Variants in RAD54B observed in about 807,000 individuals in gnomAD.
The protein encoded by RAD54B is RAD54 homolog B.
A neutral mutation model predicts 95.8 loss-of-function variants in RAD54B; 78 were observed. That is an observed-to-expected ratio of 0.81 (90% confidence interval 0.68 to 0.98). The LOEUF (loss-of-function observed/expected upper bound fraction) is 0.98, where lower values mean the gene tolerates loss of function less well. Ranked by LOEUF, RAD54B falls within the 50% of genes least tolerant of loss-of-function variation. RAD54B has a pLI of 0.00. For synonymous variants in RAD54B, 328 were observed against 354.9 expected, an observed-to-expected ratio of 0.92 and a Z score of 0.85; for missense variants, 957 against 1,056.6, an observed-to-expected ratio of 0.91 and a Z score of 1.31.
At chr8:94,418,883 G>A (rs1314868509) in intron 3 of RAD54B, among the ~76,000 whole-genome samples, 3 of 152,086 alleles carry the variant, frequency 2.0e-5, no homozygotes, top group Admixed American at 6.5e-5. Flanking sequence ...AAGCTTCTAT[G>A]AACTTTTTCT....
chr8:94,398,542 G>GA (rs1811196904), intron 8 of RAD54B, among the ~76,000 whole-genome samples: 1 of 151,888 alleles, frequency 6.6e-6, no homozygotes, highest in African/African-American at 2.4e-5. Context: ...ACACATGAAG[G>GA]AAAAAATGAC....
At chr8:94,436,605 C>A in intron 3 of RAD54B, 2 of 1,550,476 alleles carry the variant, frequency 1.3e-6, no homozygotes, top group Non-Finnish European at 1.7e-6. Flanking sequence ...CTGATTGGGT[C>A]TCTTTTTGCT....
At chr8:94,380,109 T>C in intron 12 of RAD54B, 36 bp downstream of exon 12, 2 of 1,556,802 alleles carry the variant, frequency 1.3e-6, no homozygotes. Flanking sequence ...TCCTCAGGCA[T>C]TCAATAATAT....
intron 11 of RAD54B, among the ~76,000 whole-genome samples, chr8:94,381,926 A>C (rs1307779972): frequency 6.6e-6 from 1 of 152,100 alleles, no homozygotes; most frequent in Non-Finnish European, 1.5e-5. Flanking sequence ...ATCCTGGCTA[A>C]CACGGTGAAA....
intron 14 of RAD54B, among the ~76,000 whole-genome samples, chr8:94,375,901 G>A (rs1810555900): frequency 6.6e-6 from 1 of 152,118 alleles, no homozygotes; most frequent in Admixed American, 6.6e-5. Flanking sequence ...CTAGAAATTA[G>A]GGAGATAAGG....
Position 94,400,303 on chromosome 8 carries a change from T to G in RAD54B, c.1105A>C (p.Asn369His). ...LIVTPGSLVN[N>H]WKKEFQKWLG... ...CATTTTTGAAATTCTTTCTTCCAAT[T>G]ATTCACCAAGCTTCCAGGTGTGACA... Residue 369 changes from asparagine to histidine, a missense_variant, in exon 7 of 15, where the codon AAT (asparagine) becomes CAT (histidine). Coordinates refer to ENST00000336148, the MANE Select transcript of RAD54B (RefSeq NM_012415.3). The G allele has an allele frequency of 1.9e-6, 3 of 1,613,920 alleles. No homozygotes were observed. The highest frequency in any genetic ancestry group is 2.5e-6 in the Non-Finnish European group (3 of 1,179,872).
rs548218118 is a variant in RAD54B, at chr8:94,444,410, T to TTAA, written c.304+13857_304+13858insTTA. 3.1e-3 allele frequency among the ~76,000 whole-genome samples: 433 copies of TTAA among 137,942 alleles called. 3 individuals carry two copies. Among genetic ancestry groups the TTAA allele is most frequent in the South Asian group, 6.7e-3 (29 of 4,326 alleles). The allele number at this position is 137,942 out of a possible 152,430, so 90.5% of individuals were successfully genotyped here. On this transcript the variant is annotated intron_variant, in intron 3 of 14. Transcript: ENST00000336148. The stretch of plus-strand genomic sequence containing the variant: ...TGTTCACTGCAGAGGTTTTAATAGT[T>TTAA]AAAAAAAAAAAAAAACTAAAACTAA...
intron 3 of RAD54B, chr8:94,436,377 A>G: frequency 7.8e-7 from 1 of 1,275,718 alleles, no homozygotes; most frequent in East Asian, 2.6e-5. Context: ...AAACAAAGAC[A>G]CTATTCATTG....
At chr8:94,425,061 CAAAAAAA>C (rs71273335) in intron 3 of RAD54B, among the ~76,000 whole-genome samples, 29 of 82,368 alleles carry the variant, frequency 3.5e-4, no homozygotes, top group African/African-American at 1.0e-3. Flanking sequence ...GACCCCATCT[CAAAAAAA>C]AAAAAAAAAA....
chr8:94,436,959 C>T, intron 3 of RAD54B: 1 of 1,443,872 alleles, frequency 6.9e-7, no homozygotes, highest in South Asian at 1.6e-5. Flanking sequence ...AAAGATCAGG[C>T]TTAACTAGGC....
rs118186215 is a variant in RAD54B, at chr8:94,474,007, G to A, written c.-17+994C>T. ...CTGTAGATTAAGGTAAGTGTTCTGA[G>A]CATGTTTAAGGTAGGCTAGCGCAGC... On this transcript the variant is annotated intron_variant, in intron 1 of 14. Coordinates refer to ENST00000336148, the MANE Select transcript of RAD54B (RefSeq NM_012415.3). 1.8e-4 allele frequency among the ~76,000 whole-genome samples: 27 copies of A among 152,326 alleles called. 1 individual carries two copies. In the East Asian group the frequency reaches 4.8e-3, roughly 27 times the overall value.
chr8:94,404,326 T>A, intron 5 of RAD54B, 87 bp from the exon 6 acceptor site: 1 of 1,276,650 alleles, frequency 7.8e-7, no homozygotes, highest in South Asian at 1.9e-5. Flanking sequence ...AAGATAGAAA[T>A]GTTTGCCATC....
At position 94,407,732 on chromosome 8, in the gene RAD54B, G is replaced by A; in HGVS notation, c.500-12C>T. On this transcript the variant is annotated splice_polypyrimidine_tract_variant and intron_variant, in intron 4 of 14. Coordinates refer to ENST00000336148, the MANE Select transcript of RAD54B (RefSeq NM_012415.3). The stretch of plus-strand genomic sequence containing the variant: ...TTTATAACCAATGCCTTTAAGTTAA[G>A]AAAGAAAAAAATTAATTGACACTCT... 1 of 1,595,240 alleles carries A rather than the reference G, an allele frequency of 6.3e-7. No individual in the cohort carries two copies. The highest frequency in any genetic ancestry group is 1.4e-5 in the African/African-American group (1 of 73,898).
chr8:94,407,958 T>C (rs868080399), intron 4 of RAD54B, among the ~76,000 whole-genome samples: 1 of 152,210 alleles, frequency 6.6e-6, no homozygotes, highest in African/African-American at 2.4e-5. Context: ...ATTGAAAATA[T>C]AGATTATTGT....
chr8:94,470,026 A>G (rs1813128676), intron 1 of RAD54B, among the ~76,000 whole-genome samples: 2 of 152,222 alleles, frequency 1.3e-5, no homozygotes, highest in Non-Finnish European at 2.9e-5. Flanking sequence ...TCAAAGCAAC[A>G]CCACAAAACA....
chr8:94,408,822 C>A (rs10504937), intron 4 of RAD54B, among the ~76,000 whole-genome samples: 13,905 of 152,120 alleles, frequency 0.091, 1,163 homozygotes, highest in African/African-American at 0.21. Flanking sequence ...CTCAGTTTTA[C>A]ATGGAAATGG....
intron 3 of RAD54B, among the ~76,000 whole-genome samples, chr8:94,425,061 CAAAAA>C (rs71273335): frequency 1.3e-4 from 11 of 82,362 alleles, no homozygotes; most frequent in South Asian, 8.8e-4. Flanking sequence ...GACCCCATCT[CAAAAA>C]AAAAAAAAAA....
intron 2 of RAD54B, among the ~76,000 whole-genome samples, chr8:94,461,968 C>A (rs1453376719): frequency 6.6e-6 from 1 of 152,160 alleles, no homozygotes; most frequent in Non-Finnish European, 1.5e-5. Context: ...GGATCCAATC[C>A]TAGATCACAC....
chr8:94,444,410 T>TAAA (rs61282884), intron 3 of RAD54B, among the ~76,000 whole-genome samples: 33,638 of 137,592 alleles, frequency 0.24, 4,878 homozygotes, highest in East Asian at 0.43. Flanking sequence ...TTTTAATAGT[T>TAAA]AAAAAAAAAA....
Sources: allele counts gnomAD v4.1 joint callset (sites outside exome capture counted in the v4.1 genomes callset), GRCh38; gene constraint gnomAD v4.1.1; transcripts MANE v1.5; gene names NCBI Gene and HGNC (gene_info 2026-07-23, HGNC 2026-07-21).